Variants in FBP1 observed in about 807,000 individuals in gnomAD.
FBP1 encodes the protein fructose-bisphosphatase 1.
In FBP1, 22 loss-of-function variants were observed where a neutral mutation model predicts 29.9. The observed-to-expected ratio is 0.74, with a 90% confidence interval of 0.53 to 1.05. The LOEUF (loss-of-function observed/expected upper bound fraction) is 1.05, where lower values mean the gene tolerates loss of function less well. Among genes scored for constraint, FBP1 ranks in the 50% least tolerant of loss-of-function variants. The pLI, the probability that FBP1 is intolerant of heterozygous loss-of-function variation, is 0.00. For synonymous variants in FBP1, 175 were observed against 178.6 expected (o/e 0.98, Z 0.16); for missense variants, 345 against 448.2 (o/e 0.77, Z 2.08).
rs746333015 is a variant in FBP1 at position 94,639,131 on chromosome 9, C to T, written c.170+10G>A. On this transcript the variant is annotated intron_variant, in intron 1 of 6. Transcript: ENST00000375326. Reference sequence around the variant, plus strand: ...ACAGGACGGGGCCCACCGCCCAAGGCCCGACTCACAGGTGCGCGATGCCCG... The same window carrying T: ...ACAGGACGGGGCCCACCGCCCAAGGTCCGACTCACAGGTGCGCGATGCCCG... 18 of 1,591,138 alleles carry T rather than the reference C, an allele frequency of 1.1e-5. No individual in the cohort carries two copies. Among genetic ancestry groups the T allele is most frequent in the East Asian group, 2.3e-5 (1 of 43,504 alleles).
intron 1 of FBP1, among the ~76,000 whole-genome samples, chr9:94,629,696 C>T (rs1180193356): frequency 3.3e-5 from 5 of 152,028 alleles, no homozygotes; most frequent in South Asian, 2.1e-4. Context: ...AAGAGAGGAC[C>T]GGGAGAGCCC....
Position 94,620,347 on chromosome 9 carries a change from T to TATG in FBP1, c.312_314dup (p.Ile105dup). 6.2e-7 allele frequency: 1 copy of TATG among 1,614,212 alleles called. No homozygotes were observed. Among genetic ancestry groups the TATG allele is most frequent in the East Asian group, 2.2e-5 (1 of 44,880 alleles). On this transcript the variant is annotated inframe_insertion, in exon 2 of 7. Transcript: ENST00000375326. The stretch of plus-strand genomic sequence containing the variant: ...GACCCACCCTTTTCTCCGGTTCCAC[T>TATG]ATGATGGCGTGTTTATCTTCTTCTG...
At chr9:94,631,611 G>T (rs1182640891) in intron 1 of FBP1, among the ~76,000 whole-genome samples, 1 of 152,226 alleles carries the variant, frequency 6.6e-6, no homozygotes, top group Non-Finnish European at 1.5e-5. Context: ...CTCCAGGGCT[G>T]CCTGGATCTG....
intron 1 of FBP1, among the ~76,000 whole-genome samples, chr9:94,638,362 C>T (rs1288720855): frequency 6.6e-6 from 1 of 152,214 alleles, no homozygotes; most frequent in Admixed American, 6.5e-5. Context: ...CAAATGATTC[C>T]TGTGCCCAGT....
intron 5 of FBP1, among the ~76,000 whole-genome samples, chr9:94,606,460 ATTTG>A (rs1297116660): frequency 6.6e-6 from 1 of 152,210 alleles, no homozygotes; most frequent in Non-Finnish European, 1.5e-5. Context: ...GAATTCATTC[ATTTG>A]TTTAACTTTA....
chr9:94,612,707 C>T (rs1023566286), intron 3 of FBP1, among the ~76,000 whole-genome samples: 1 of 151,928 alleles, frequency 6.6e-6, no homozygotes, highest in Non-Finnish European at 1.5e-5. Context: ...CAGGCGCCCA[C>T]CACCACGCCT....
Position 94,639,478 on chromosome 9 carries a change from C to A in FBP1, c.-168G>T. Reference sequence around the variant, plus strand: ...GCGGGAGGACTGACAGACCGACTGCCGCCCCGAGTGTCCGCAGCGCTCGTG... The same window carrying A: ...GCGGGAGGACTGACAGACCGACTGCAGCCCCGAGTGTCCGCAGCGCTCGTG... On this transcript the variant is annotated 5_prime_UTR_variant, in exon 1 of 7. Transcript: ENST00000375326. 2.7e-6 allele frequency: 2 copies of A among 745,520 alleles called. No individual in the cohort carries two copies. The highest frequency in any genetic ancestry group is 4.3e-5 in the Admixed American group (2 of 46,340). 46.2% of individuals were successfully genotyped at this position (745,520 alleles called of 1,614,324 possible). A position where few individuals can be genotyped will look rare whatever the true frequency, so the allele number is the denominator to read the frequency against.
At chr9:94,612,307 A>C (rs946862428) in intron 3 of FBP1, among the ~76,000 whole-genome samples, 3 of 152,070 alleles carry the variant, frequency 2.0e-5, no homozygotes, top group African/African-American at 4.8e-5. Flanking sequence ...TCTGCCAATA[A>C]AGGCCCCTTT....
intron 1 of FBP1, among the ~76,000 whole-genome samples, chr9:94,636,895 G>T (rs1307236895): frequency 6.6e-6 from 1 of 151,996 alleles, no homozygotes; most frequent in Admixed American, 6.6e-5. Context: ...CACCATGTTG[G>T]CCAGGCTGGT....
chr9:94,608,514 G>C (rs1392535306), intron 4 of FBP1, among the ~76,000 whole-genome samples: 1 of 152,170 alleles, frequency 6.6e-6, no homozygotes, highest in Non-Finnish European at 1.5e-5. Context: ...AGCAGTCAGG[G>C]CCCGGCAAAT....
intron 1 of FBP1, among the ~76,000 whole-genome samples, chr9:94,629,748 G>A (rs1282640459): frequency 6.6e-6 from 1 of 152,114 alleles, no homozygotes; most frequent in Non-Finnish European, 1.5e-5. Flanking sequence ...TTGTCTTCAT[G>A]GCCTTAGGAA....
intron 1 of FBP1, among the ~76,000 whole-genome samples, chr9:94,627,971 G>A (rs1828049116): frequency 6.6e-6 from 1 of 152,196 alleles, no homozygotes; most frequent in South Asian, 2.1e-4. Context: ...CTGCCCCTCA[G>A]CCCCACTGCC....
intron 3 of FBP1, among the ~76,000 whole-genome samples, chr9:94,615,541 G>A (rs1380463451): frequency 1.3e-5 from 2 of 152,148 alleles, no homozygotes; most frequent in African/African-American, 4.8e-5. Context: ...AAGGAAAATT[G>A]CATTCTTCCA....
At chr9:94,622,735 A>G (rs1827966992) in intron 1 of FBP1, among the ~76,000 whole-genome samples, 2 of 152,170 alleles carry the variant, frequency 1.3e-5, no homozygotes, top group Admixed American at 6.5e-5. Flanking sequence ...CAAGATGTCT[A>G]TCGAGCTTTG....
chr9:94,622,590 G>A (rs552668178), intron 1 of FBP1, among the ~76,000 whole-genome samples: 125 of 152,324 alleles, frequency 8.2e-4, no homozygotes, highest in Middle Eastern at 3.4e-3. Context: ...CTGTCTTCTC[G>A]GGCCCGCCTG....
At chr9:94,615,891 G>A (rs1019694205) in intron 3 of FBP1, among the ~76,000 whole-genome samples, 1 of 150,388 alleles carries the variant, frequency 6.6e-6, no homozygotes, top group Non-Finnish European at 1.5e-5. Flanking sequence ...CCAGTAGCGC[G>A]ATCTTGGCTC....
chr9:94,612,549 A>ACTTTTTTTTTTTTTTTTTTTTTT, intron 3 of FBP1, among the ~76,000 whole-genome samples: 1 of 108,028 alleles, frequency 9.3e-6, no homozygotes, highest in Non-Finnish European at 1.8e-5. Context: ...CCAGCCCCCA[A>ACTTTTTTTTTTTTTTTTTTTTTT]TTTTTTTTTT....
At chr9:94,628,534 A>C (rs891392274) in intron 1 of FBP1, among the ~76,000 whole-genome samples, 1 of 152,184 alleles carries the variant, frequency 6.6e-6, no homozygotes, top group Non-Finnish European at 1.5e-5. Flanking sequence ...AGCAAACAAG[A>C]GAACAGGGCA....
chr9:94,607,733 T>G (rs1002192991), intron 4 of FBP1, among the ~76,000 whole-genome samples: 1 of 151,894 alleles, frequency 6.6e-6, no homozygotes, highest in African/African-American at 2.4e-5. Flanking sequence ...CTCTGCCCAT[T>G]TAGGAGGGGC....
Sources: allele counts gnomAD v4.1 joint callset (sites outside exome capture counted in the v4.1 genomes callset), GRCh38; gene constraint gnomAD v4.1.1; transcripts MANE v1.5; gene names NCBI Gene and HGNC (gene_info 2026-07-23, HGNC 2026-07-21).